Variants in CSMD1 observed in about 807,000 individuals in gnomAD.
CSMD1 encodes CUB and sushi domain-containing protein 1.
A neutral mutation model predicts 417.5 loss-of-function variants in CSMD1; 213 were observed. That is an observed-to-expected ratio of 0.51 (90% confidence interval 0.46 to 0.57). The LOEUF is 0.57. Among genes scored for constraint, CSMD1 ranks in the 20% least tolerant of loss-of-function variants. The pLI is 0.00. For missense variants in CSMD1, 6,923 were observed against 4,529.7 expected (o/e 1.53, Z -15.17); for synonymous variants, 2,862 against 1,736.8 (o/e 1.65, Z -16.11).
chr8:4,653,234 A>G (rs1292641850), intron 1 of CSMD1, among the ~76,000 whole-genome samples: 1 of 152,152 alleles, frequency 6.6e-6, no homozygotes, highest in Non-Finnish European at 1.5e-5. Context: ...TTTCATCTAT[A>G]CAAATCGGGC....
intron 1 of CSMD1, among the ~76,000 whole-genome samples, chr8:4,941,180 A>T (rs563425163): frequency 4.0e-4 from 61 of 151,958 alleles, no homozygotes; most frequent in Admixed American, 7.2e-4. Context: ...AAAATAAAAA[A>T]CAAAAATATT....
chr8:3,016,264 A>G (rs1247086098), intron 52 of CSMD1, among the ~76,000 whole-genome samples: 3 of 152,214 alleles, frequency 2.0e-5, no homozygotes, highest in African/African-American at 7.2e-5. Flanking sequence ...ATATTTGTGT[A>G]GATTTAGGAT....
chr8:3,368,704 C>T (rs538062648), intron 19 of CSMD1, among the ~76,000 whole-genome samples: 1 of 152,188 alleles, frequency 6.6e-6, no homozygotes, highest in African/African-American at 2.4e-5. Context: ...AATCCTAATC[C>T]CAGTGTTTAT....
chr8:3,226,546 C>G (rs547734686), intron 27 of CSMD1, among the ~76,000 whole-genome samples: 1 of 146,314 alleles, frequency 6.8e-6, no homozygotes, highest in Admixed American at 6.9e-5. Context: ...CACACCACTG[C>G]ACTCCAGCTT....
At chr8:3,900,981 A>G (rs1421012780) in intron 5 of CSMD1, among the ~76,000 whole-genome samples, 2 of 152,160 alleles carry the variant, frequency 1.3e-5, no homozygotes, top group Non-Finnish European at 2.9e-5. Flanking sequence ...AAACTTTATG[A>G]TTTTTCATTA....
At chr8:3,464,569 A>G (rs938770426) in intron 12 of CSMD1, among the ~76,000 whole-genome samples, 2 of 150,116 alleles carry the variant, frequency 1.3e-5, no homozygotes, top group East Asian at 3.9e-4. Context: ...TATTATAAAT[A>G]TGATTTATAA....
At chr8:4,179,607 A>G (rs1011621903) in intron 3 of CSMD1, among the ~76,000 whole-genome samples, 8 of 152,154 alleles carry the variant, frequency 5.3e-5, no homozygotes, top group African/African-American at 1.7e-4. Flanking sequence ...GAGCTTCTGC[A>G]CAGCAAAACA....
At chr8:4,120,298 C>T (rs1802409230) in intron 3 of CSMD1, among the ~76,000 whole-genome samples, 1 of 152,142 alleles carries the variant, frequency 6.6e-6, no homozygotes. Flanking sequence ...ATTATATATA[C>T]TTCAGTGTTA....
Position 2,998,018 on chromosome 8 carries a change from C to A in CSMD1, c.8370G>T (p.Thr2790=). ...CCTGGATGCTGTTCCTACCTCGACA[C>A]GTGGGCAGAGGGCTACTCCACTGGC... The part of the protein sequence containing the change: ...SNGQWSSPLP[T]CRVVNCSDPG... The change falls in exon 54 of 70, where the codon ACG becomes ACT. Residue 2790 remains threonine, a synonymous_variant. Transcript: ENST00000635120. The A allele has an allele frequency of 6.2e-7, 1 of 1,613,516 alleles. No individual in the cohort carries two copies.
intron 3 of CSMD1, among the ~76,000 whole-genome samples, chr8:4,252,165 G>C (rs1056789138): frequency 1.1e-4 from 17 of 152,066 alleles, no homozygotes; most frequent in African/African-American, 3.4e-4. Context: ...AGGATATATA[G>C]AAAGCTGGGG....
chr8:3,997,417 G>C (rs1257956105), intron 5 of CSMD1, among the ~76,000 whole-genome samples: 2 of 152,146 alleles, frequency 1.3e-5, no homozygotes, highest in African/African-American at 2.4e-5. Context: ...AAGTTATTTT[G>C]CCTTTGAGGA....
At chr8:3,710,574 C>A (rs777567367) in intron 6 of CSMD1, among the ~76,000 whole-genome samples, 6 of 152,128 alleles carry the variant, frequency 3.9e-5, no homozygotes, top group Non-Finnish European at 7.3e-5. Flanking sequence ...TGTCACTAAG[C>A]ACCTGCTTCC....
At chr8:4,431,045 C>G (rs570887138) in intron 2 of CSMD1, among the ~76,000 whole-genome samples, 2 of 152,246 alleles carry the variant, frequency 1.3e-5, no homozygotes, top group South Asian at 4.1e-4. Flanking sequence ...TTCAGAATAA[C>G]TCGTGGAGTG....
At chr8:4,259,757 C>G (rs1366408849) in intron 3 of CSMD1, among the ~76,000 whole-genome samples, 1 of 151,762 alleles carries the variant, frequency 6.6e-6, no homozygotes, top group Non-Finnish European at 1.5e-5. Flanking sequence ...TTCATAAACC[C>G]TAAGAAGAAG....
At chr8:4,392,498 G>C (rs1803911882) in intron 3 of CSMD1, among the ~76,000 whole-genome samples, 1 of 152,076 alleles carries the variant, frequency 6.6e-6, no homozygotes, top group Non-Finnish European at 1.5e-5. Context: ...CAAAGAAAAG[G>C]TAAAGAATCA....
At chr8:4,263,730 T>G (rs760961557) in intron 3 of CSMD1, among the ~76,000 whole-genome samples, 1 of 152,222 alleles carries the variant, frequency 6.6e-6, no homozygotes. Context: ...AATAAAATGC[T>G]GGATTTTTAT....
chr8:3,311,290 C>T (rs1805324230), intron 23 of CSMD1, among the ~76,000 whole-genome samples: 1 of 152,018 alleles, frequency 6.6e-6, no homozygotes, highest in African/African-American at 2.4e-5. Context: ...CTGTCTGTTG[C>T]CCAGGCTGGA....
chr8:4,220,793 G>T (rs560616941), intron 3 of CSMD1, among the ~76,000 whole-genome samples: 1 of 152,170 alleles, frequency 6.6e-6, no homozygotes, highest in Admixed American at 6.5e-5. Context: ...TCCTTATAAC[G>T]CACCGAACGC....
rs558897230 is a variant in CSMD1, at chr8:2,954,260, C to T, written c.10003G>A (p.Val3335Met). The T allele has an allele frequency of 1.3e-6, 2 of 1,482,854 alleles. No homozygotes were observed. The highest frequency in any genetic ancestry group is 2.5e-5 in the East Asian group (1 of 40,348). 91.9% of individuals were successfully genotyped at this position (1,482,854 alleles called of 1,614,324 possible). Residue 3335 changes from valine (V) to methionine (M), a missense_variant, in exon 65 of 70, where the codon GTG becomes ATG. Val to Met is a conservative substitution (Grantham distance 21, BLOSUM62 1). Coordinates refer to ENST00000635120, the MANE Select transcript of CSMD1 (RefSeq NM_033225.6). ...GKSPVCKSKG[V>M]REVNETVTKT... ...GTAACTGTTTCATTAACTTCTCTCA[C>T]TCCTTTACCTACAAGTAAAAAGACA... is the stretch of plus-strand genomic sequence containing the variant.
Sources: allele counts gnomAD v4.1 joint callset (sites outside exome capture counted in the v4.1 genomes callset), GRCh38; gene constraint gnomAD v4.1.1; transcripts MANE v1.5; gene names NCBI Gene and HGNC (gene_info 2026-07-23, HGNC 2026-07-21).